Variants in USP31 observed in about 807,000 individuals in gnomAD.
USP31 encodes ubiquitin carboxyl-terminal hydrolase 31.
Under a neutral mutation model 119.4 loss-of-function variants are expected in USP31, and 44 were observed. That is an observed-to-expected ratio of 0.37 (90% CI 0.29 to 0.47). USP31 has a LOEUF of 0.47. Ranked by LOEUF, USP31 falls within the 20% of genes least tolerant of loss-of-function variation. The probability of loss-of-function intolerance (pLI) is 0.99; values close to 1 mark genes in which losing one functional copy is unlikely to be tolerated. For synonymous variants in USP31, 749 were observed against 705.6 expected (o/e 1.06, Z -0.97); for missense variants, 1,643 against 1,730.2 (o/e 0.95, Z 0.89).
At chr16:23,148,617 C>A in intron 1 of USP31, 21 bp downstream of exon 1, 4 of 1,448,838 alleles carry the variant, frequency 2.8e-6, no homozygotes, top group Non-Finnish European at 3.6e-6. Context: ...GCAGTGGGGG[C>A]GCGGCGGCGC....
chr16:23,080,571 G>C (rs1900776852), intron 12 of USP31, among the ~76,000 whole-genome samples: 1 of 152,194 alleles, frequency 6.6e-6, no homozygotes, highest in South Asian at 2.1e-4. Flanking sequence ...GTGCAGAAGA[G>C]CCTCTTGATA....
At chr16:23,072,325 A>T (rs1900382857) in intron 14 of USP31, 128 bp from the exon 15 acceptor site, 7 of 1,275,614 alleles carry the variant, frequency 5.5e-6, no homozygotes, top group Middle Eastern at 2.0e-4. Flanking sequence ...CGAGGTCAGC[A>T]TCAATTCCCA....
Position 23,087,130 on chromosome 16 carries a change from G to A in USP31, c.1584C>T (p.Pro528=). The part of the protein sequence containing the change: ...VSVVGITYLL[P]QEEQPLCHPI... ...GGTGGCACAAGGGCTGCTCCTCCTGGGGCAGCAAATATGTTATTCCAACAA... is the reference window on the plus strand; with the variant it reads ...GGTGGCACAAGGGCTGCTCCTCCTGAGGCAGCAAATATGTTATTCCAACAA... The change falls in exon 9 of 16, where the codon CCC becomes CCT. Residue 528 remains proline, a synonymous_variant. Transcript: ENST00000219689. 2 of 1,613,482 alleles carry A rather than the reference G, an allele frequency of 1.2e-6. No homozygotes were observed. The highest frequency in any genetic ancestry group is 1.7e-6 in the Non-Finnish European group (2 of 1,179,760).
chr16:23,112,128 C>T (rs185404313), intron 1 of USP31, among the ~76,000 whole-genome samples: 1 of 152,198 alleles, frequency 6.6e-6, no homozygotes, highest in Admixed American at 6.5e-5. Context: ...GTTTCAAATA[C>T]CTGGAAGGGA....
chr16:23,142,376 C>T (rs1596739775), intron 1 of USP31, among the ~76,000 whole-genome samples: 1 of 152,186 alleles, frequency 6.6e-6, no homozygotes, highest in East Asian at 1.9e-4. Context: ...AAACGTGAAG[C>T]TAGCTGCAGA....
chr16:23,071,924 G>GT (rs1900363453), intron 15 of USP31, 121 bp downstream of exon 15: 1 of 1,358,146 alleles, frequency 7.4e-7, no homozygotes, highest in Non-Finnish European at 1.0e-6. Flanking sequence ...TCCACTCCCT[G>GT]TAGCTCCCTT....
chr16:23,072,663 T>C (rs1900395962), intron 14 of USP31: 1 of 394,928 alleles, frequency 2.5e-6, no homozygotes, highest in Non-Finnish European at 4.5e-6. Flanking sequence ...ACCATTTTCA[T>C]AATATTAATA....
intron 1 of USP31, among the ~76,000 whole-genome samples, chr16:23,114,118 TG>T (rs1902412518): frequency 6.9e-6 from 1 of 144,890 alleles, no homozygotes; most frequent in Admixed American, 6.9e-5. Flanking sequence ...AAAAAAAAAA[TG>T]GTGATTCTTT....
chr16:23,067,894 GAC>G lies in USP31; in HGVS notation c.*150_*151del, dbSNP rs546360844. 76 of 979,762 alleles carry G rather than the reference GAC, an allele frequency of 7.8e-5. No individual in the cohort carries two copies. In the Admixed American group the frequency reaches 8.2e-4, roughly 11 times the overall value. 60.7% of individuals were successfully genotyped at this position (979,762 alleles called of 1,614,324 possible). ...CTTTGAACAATTTGCAATTGAATTA[GAC>G]ACACACACGCATACACTCACACACA... On this transcript the variant is annotated 3_prime_UTR_variant, in exon 16 of 16. Coordinates refer to ENST00000219689, the MANE Select transcript of USP31 (RefSeq NM_020718.4).
At chr16:23,108,439 C>G (rs1902196765) in intron 1 of USP31, among the ~76,000 whole-genome samples, 1 of 151,952 alleles carries the variant, frequency 6.6e-6, no homozygotes, top group African/African-American at 2.4e-5. Context: ...AACAGCCTGT[C>G]AAGACTTCTA....
intron 5 of USP31, among the ~76,000 whole-genome samples, chr16:23,104,392 G>A (rs1187937604): frequency 6.6e-6 from 1 of 152,198 alleles, no homozygotes; most frequent in Non-Finnish European, 1.5e-5. Flanking sequence ...TGCAAAAGGA[G>A]CCAGACAGTG....
At chr16:23,071,472 GAA>G (rs59039583) in intron 15 of USP31, among the ~76,000 whole-genome samples, 1,785 of 135,878 alleles carry the variant, frequency 0.013, 17 homozygotes, top group South Asian at 0.019. Context: ...AGTTTAAAAA[GAA>G]AAAAAAAAAA....
chr16:23,063,874 T>C lies in USP31; in HGVS notation c.*4172A>G, dbSNP rs1192998039. ...GGGAAAAAAATGGTCATGCTCAAAA[T>C]GCATCTGCAAAATACTTTGAAAGTT... On this transcript the variant is annotated 3_prime_UTR_variant, in exon 16 of 16. Coordinates refer to ENST00000219689, the MANE Select transcript of USP31 (RefSeq NM_020718.4). 1 of 152,180 alleles carries C rather than the reference T, an allele frequency of 6.6e-6. No homozygotes were observed. Among genetic ancestry groups the C allele is most frequent in the Non-Finnish European group, 1.5e-5 (1 of 68,022 alleles). 9.4% of individuals were successfully genotyped at this position (152,180 alleles called of 1,614,324 possible). A position where few individuals can be genotyped will look rare whatever the true frequency, so the allele number is the denominator to read the frequency against.
At chr16:23,122,670 A>G (rs907088270) in intron 1 of USP31, among the ~76,000 whole-genome samples, 3 of 152,210 alleles carry the variant, frequency 2.0e-5, no homozygotes, top group Admixed American at 2.0e-4. Flanking sequence ...AATCTTGAAA[A>G]TACCATGCTA....
chr16:23,133,972 G>T (rs1903107066), intron 1 of USP31, among the ~76,000 whole-genome samples: 1 of 152,020 alleles, frequency 6.6e-6, no homozygotes, highest in Admixed American at 6.6e-5. Flanking sequence ...AGCTACTCGG[G>T]AGGCTGAGGT....
chr16:23,128,434 C>T (rs966100611), intron 1 of USP31, among the ~76,000 whole-genome samples: 3 of 152,094 alleles, frequency 2.0e-5, no homozygotes, highest in African/African-American at 7.2e-5. Context: ...CTGAATACAT[C>T]AAATATGCTT....
intron 1 of USP31, among the ~76,000 whole-genome samples, chr16:23,135,223 C>G (rs1903153966): frequency 6.6e-6 from 1 of 151,160 alleles, no homozygotes; most frequent in Non-Finnish European, 1.5e-5. Flanking sequence ...AAAAAGCCCC[C>G]AGCTAACATC....
rs1902185936 is a variant in USP31 at position 23,108,169 on chromosome 16, C to T, written c.648G>A (p.Lys216=). 1 of 1,612,768 alleles carries T rather than the reference C, an allele frequency of 6.2e-7. No homozygotes were observed. The highest frequency in any genetic ancestry group is 8.5e-7 in the Non-Finnish European group (1 of 1,179,512). ...HSRDFKTIVS[K]NALQYRGNSQ... The stretch of plus-strand genomic sequence containing the variant: ...AATTTCCCCGGTACTGCAGTGCATT[C>T]TTTGACACAATAGTCTATGCAGGTA... Residue 216 remains lysine (K), a synonymous_variant, in exon 2 of 16, where the codon AAG becomes AAA. Transcript: ENST00000219689.
intron 1 of USP31, among the ~76,000 whole-genome samples, chr16:23,134,509 C>T (rs192017976): frequency 3.9e-5 from 6 of 152,152 alleles, no homozygotes; most frequent in East Asian, 1.9e-4. Flanking sequence ...CCAAAGGTCT[C>T]GAGGCTAGCA....
Sources: allele counts gnomAD v4.1 joint callset (sites outside exome capture counted in the v4.1 genomes callset), GRCh38; gene constraint gnomAD v4.1.1; transcripts MANE v1.5; gene names NCBI Gene and HGNC (gene_info 2026-07-23, HGNC 2026-07-21).